The following ANKRD30B variants were observed in gnomAD, a reference collection of about 807,000 sequenced individuals.
The protein encoded by ANKRD30B is ankyrin repeat domain 30B.
ANKRD30B carries 144 observed loss-of-function variants against 202.2 expected under a neutral mutation model. The ratio of observed to expected loss-of-function variants is 0.71; its 90% CI spans 0.62 to 0.82. ANKRD30B has a LOEUF of 0.82. Ranked by LOEUF, ANKRD30B falls within the 40% of genes least tolerant of loss-of-function variation. The pLI is 0.00. For synonymous variants in ANKRD30B, 508 were observed against 561.3 expected (o/e 0.91, Z 1.34); for missense variants, 1,487 against 1,669.1 (o/e 0.89, Z 1.90).
intron 14 of ANKRD30B, among the ~76,000 whole-genome samples, chr18:14,785,663 A>G (rs1968033334): frequency 6.6e-6 from 1 of 152,216 alleles, no homozygotes; most frequent in Non-Finnish European, 1.5e-5. Flanking sequence ...GATCCAGGGT[A>G]TGCTTCTGAA....
At chr18:14,772,309 CATT>C in intron 9 of ANKRD30B, 81 bp downstream of exon 9, 1 of 788,050 alleles carries the variant, frequency 1.3e-6, no homozygotes, top group Non-Finnish European at 1.8e-6. Flanking sequence ...GTGTATGTAT[CATT>C]ATTTCATGTT....
the ANKRD30B span, among the ~76,000 whole-genome samples, chr18:14,863,126 C>A: frequency 6.6e-6 from 1 of 152,128 alleles, no homozygotes; most frequent in Non-Finnish European, 1.5e-5. Flanking sequence ...TTGGGGACTA[C>A]TGAGAGATGA....
At chr18:14,869,036 A>G in the ANKRD30B span, among the ~76,000 whole-genome samples, 1 of 152,354 alleles carries the variant, frequency 6.6e-6, no homozygotes, top group African/African-American at 2.4e-5. Flanking sequence ...GGAAAAGGGA[A>G]TTTTAGATTT....
intron 9 of ANKRD30B, among the ~76,000 whole-genome samples, chr18:14,772,817 T>A (rs1271393628): frequency 6.6e-6 from 1 of 151,820 alleles, no homozygotes. Context: ...AAAATAATAT[T>A]AGAAATTGTG....
the ANKRD30B span, among the ~76,000 whole-genome samples, chr18:14,861,835 T>A: frequency 1.1e-4 from 16 of 150,502 alleles, no homozygotes; most frequent in African/African-American, 4.0e-4. Flanking sequence ...AGAATGTACA[T>A]TTTTCTCATT....
At chr18:14,935,728 C>T in the ANKRD30B span, among the ~76,000 whole-genome samples, 5 of 152,200 alleles carry the variant, frequency 3.3e-5, no homozygotes, top group African/African-American at 4.8e-5. Flanking sequence ...CCTGCATGCA[C>T]ACGTGTATGT....
chr18:14,799,052 C>G (rs761849405), intron 20 of ANKRD30B, 49 bp from the exon 21 acceptor site: 4 of 1,483,674 alleles, frequency 2.7e-6, no homozygotes, highest in African/African-American at 2.8e-5. Context: ...GTTTGGTAGG[C>G]TTTGTCAAGC....
At chr18:14,886,863 A>C in the ANKRD30B span, among the ~76,000 whole-genome samples, 2 of 152,116 alleles carry the variant, frequency 1.3e-5, no homozygotes, top group African/African-American at 2.4e-5. Context: ...ATCAGGTGAT[A>C]GTTCAGAATA....
intron 4 of ANKRD30B, among the ~76,000 whole-genome samples, chr18:14,756,351 G>A (rs1914360486): frequency 6.6e-6 from 1 of 152,066 alleles, no homozygotes; most frequent in Admixed American, 6.6e-5. Flanking sequence ...CCATTCTGTA[G>A]GTTGCCTGTT....
chr18:14,831,709 C>T (rs71364893), intron 34 of ANKRD30B, among the ~76,000 whole-genome samples: 230 of 151,814 alleles, frequency 1.5e-3, no homozygotes, highest in African/African-American at 5.3e-3. Flanking sequence ...GGCCAAAAAC[C>T]GGAATGGGCT....
chr18:14,886,181 C>A, the ANKRD30B span, among the ~76,000 whole-genome samples: 1 of 151,660 alleles, frequency 6.6e-6, no homozygotes, highest in South Asian at 2.1e-4. Flanking sequence ...ATACAGAAGA[C>A]CATTAGCTAA....
rs1266070643 is a variant in ANKRD30B, at chr18:14,840,545, A to C, written c.2989-43A>C. 4.6e-6 allele frequency: 5 copies of C among 1,082,120 alleles called. No homozygotes were observed. In the East Asian group the frequency reaches 1.6e-4, roughly 35 times the overall value. 67.0% of individuals were successfully genotyped at this position (1,082,120 alleles called of 1,614,324 possible). ...TCATCTCAGAAAAACAAAATTAAAAAATAGTAAAAAAAGAAATTATTTATT... is the reference window on the plus strand; with the variant it reads ...TCATCTCAGAAAAACAAAATTAAAACATAGTAAAAAAAGAAATTATTTATT... On this transcript the variant is annotated intron_variant, in intron 36 of 43. Transcript: ENST00000690538.
chr18:14,931,974 T>TC, the ANKRD30B span, among the ~76,000 whole-genome samples: 1 of 10,258 alleles, frequency 9.7e-5, no homozygotes, highest in Non-Finnish European at 1.9e-4. Context: ...CTCCCTCCTG[T>TC]ACTGTCCCAG....
At chr18:14,888,629 G>T in the ANKRD30B span, 1 of 402,888 alleles carries the variant, frequency 2.5e-6, no homozygotes, top group Non-Finnish European at 4.4e-6. Flanking sequence ...TAAAAGGAAA[G>T]AAAATTTTGA....
At chr18:14,868,621 A>G in the ANKRD30B span, among the ~76,000 whole-genome samples, 8 of 152,182 alleles carry the variant, frequency 5.3e-5, no homozygotes, top group Non-Finnish European at 1.2e-4. Context: ...GCCTCTGGGC[A>G]CCCTTTGGGC....
Position 14,853,856 on chromosome 18 carries a change from G to T in ANKRD30B, c.4524G>T (p.Gln1508His), listed in dbSNP as rs1447112798. Residue 1508 changes from glutamine to histidine, a missense_variant, in exon 43 of 44, where the codon CAG becomes CAT. Gln to His is a conservative substitution (Grantham distance 24). This residue lies in a region of ANKRD30B where 182 missense variants were observed against 216.0 expected (regional missense o/e 0.84). Coordinates refer to ENST00000690538, the MANE Select transcript of ANKRD30B (RefSeq NM_001367607.2). ...LQKKLADLNK[Q>H]CEASLKVTSH... Reference sequence around the variant, plus strand: ...AAAAATTGGCGGATCTTAATAAACAGTGTGAGGCTTCACTAAAGGTTACAT... The same window carrying T: ...AAAAATTGGCGGATCTTAATAAACATTGTGAGGCTTCACTAAAGGTTACAT... 1.3e-5 allele frequency among the ~76,000 whole-genome samples: 2 copies of T among 152,152 alleles called. No individual in the cohort carries two copies. Among genetic ancestry groups the T allele is most frequent in the African/African-American group, 2.4e-5 (1 of 41,428 alleles).
At chr18:14,786,024 G>A (rs1481522752) in intron 14 of ANKRD30B, among the ~76,000 whole-genome samples, 3 of 119,332 alleles carry the variant, frequency 2.5e-5, no homozygotes, top group Non-Finnish European at 1.6e-5. Context: ...CGGCCTGGGC[G>A]ACAGAGCGAG....
downstream of ANKRD30B, among the ~76,000 whole-genome samples, chr18:14,854,879 A>ACACG (rs1568080936): frequency 7.5e-6 from 1 of 134,136 alleles, no homozygotes; most frequent in Non-Finnish European, 1.6e-5. Context: ...ACACACACAC[A>ACACG]CGCTCTACCC....
chr18:14,770,128 T>C (rs1342333094), intron 8 of ANKRD30B, among the ~76,000 whole-genome samples: 1 of 152,160 alleles, frequency 6.6e-6, no homozygotes, highest in Non-Finnish European at 1.5e-5. Flanking sequence ...TTTTTTCTTC[T>C]TCCATGACTT....
Sources: gnomAD v4.1 joint callset for allele counts (sites outside exome capture counted in the v4.1 genomes callset) on GRCh38, gnomAD v4.1.1 for gene constraint, gnomAD v4.1.1 regional missense constraint, MANE v1.5 for transcripts, NCBI Gene and HGNC (gene_info 2026-07-23, HGNC 2026-07-21) for gene names.